The following ENAM variants were observed in gnomAD, a reference collection of about 807,000 sequenced individuals.
ENAM encodes enamelin.
ENAM carries 21 observed loss-of-function variants against 33.6 expected under a neutral mutation model. The ratio of observed to expected loss-of-function variants is 0.63; its 90% CI spans 0.44 to 0.90. The LOEUF (loss-of-function observed/expected upper bound fraction) is 0.90, where lower values mean the gene tolerates loss of function less well. Ranked by LOEUF, ENAM falls within the 40% of genes least tolerant of loss-of-function variation. The pLI, the probability that ENAM is intolerant of heterozygous loss-of-function variation, is 0.00. For synonymous variants in ENAM, 473 were observed against 468.4 expected (o/e 1.01, Z -0.13); for missense variants, 1,388 against 1,366.9 (o/e 1.02, Z -0.24).
At chr4:70,641,393 A>ATTTTTT (rs1301672853) in intron 8 of ENAM, among the ~76,000 whole-genome samples, 1 of 141,808 alleles carries the variant, frequency 7.1e-6, no homozygotes. Context: ...TTATTTATTT[A>ATTTTTT]TTTATTTTTT....
At position 70,645,212 on chromosome 4, in the gene ENAM, GGC is replaced by G; in HGVS notation, c.*358_*359del. 17 of 442,594 alleles carry G rather than the reference GGC, an allele frequency of 3.8e-5. No individual in the cohort carries two copies. The highest frequency in any genetic ancestry group is 1.5e-4 in the East Asian group (4 of 26,724). 27.4% of individuals were successfully genotyped at this position (442,594 alleles called of 1,614,324 possible). A position where few individuals can be genotyped will look rare whatever the true frequency, so the allele number is the denominator to read the frequency against. On this transcript the variant is annotated 3_prime_UTR_variant, in exon 9 of 9. Transcript: ENST00000396073. ...CAAAATTGGTTTTTCAAGACTGAAA[GGC>G]AGATTAACTTTCCATTCTACTTATG...
intron 8 of ENAM, among the ~76,000 whole-genome samples, chr4:70,638,752 C>A (rs1444422595): frequency 6.6e-6 from 1 of 151,362 alleles, no homozygotes; most frequent in African/African-American, 2.4e-5. Context: ...TCAGTCCCTG[C>A]AATGACTGCC....
intron 7 of ENAM, 104 bp downstream of exon 7, chr4:70,635,998 A>G: frequency 4.9e-6 from 3 of 617,716 alleles, no homozygotes; most frequent in Non-Finnish European, 8.5e-6. Flanking sequence ...ACCATATACC[A>G]ATCAGTAGAT....
Position 70,643,587 on chromosome 4 carries a change from C to G in ENAM, c.2161C>G (p.Pro721Ala), listed in dbSNP as rs778765140. 5.6e-6 allele frequency: 9 copies of G among 1,613,880 alleles called. No homozygotes were observed. Among genetic ancestry groups the G allele is most frequent in the Non-Finnish European group, 7.6e-6 (9 of 1,179,984 alleles). The stretch of plus-strand genomic sequence containing the variant: ...GGATTTTTATTACAGTGAATTTTAC[C>G]CATGGAGCCCGGATGAGAATTTTCC... ...REDFYYSEFY[P>A]WSPDENFPSY... is the part of the protein sequence containing the mutation. The change falls in exon 9 of 9, where the codon CCA (proline) becomes GCA (alanine). Residue 721 changes from proline to alanine, a missense_variant. Coordinates refer to ENST00000396073, the MANE Select transcript of ENAM (RefSeq NM_031889.3).
At chr4:70,637,874 A>T (rs1738498280) in intron 8 of ENAM, 31 bp downstream of exon 8, 1 of 1,525,756 alleles carries the variant, frequency 6.6e-7, no homozygotes, top group African/African-American at 1.4e-5. Context: ...ATTCTCCACT[A>T]GAAATTACAA....
Position 70,642,038 on chromosome 4 carries a change from A to T in ENAM, c.612A>T (p.Gly204=). 1 of 1,613,548 alleles carries T rather than the reference A, an allele frequency of 6.2e-7. No individual in the cohort carries two copies. The highest frequency in any genetic ancestry group is 8.5e-7 in the Non-Finnish European group (1 of 1,179,470). ...AGAATCCTTACTTTGGATATTTTGG[A>T]TATCATGGCTTTGGGGGTCGCCCTC... ...EGGNPYFGYF[G]YHGFGGRPPY... The change falls in exon 9 of 9, where the codon GGA becomes GGT. Residue 204 remains glycine (G), a synonymous_variant. Coordinates refer to ENST00000396073, the MANE Select transcript of ENAM (RefSeq NM_031889.3).
In ENAM at chr4:70,631,656, A is replaced by T; in HGVS notation, c.55-14A>T. ...TTTCACAGACCAAAAATAAAAATCA[A>T]TTTTTTATTCTAGGTACCAAAAGGC... On this transcript the variant is annotated splice_polypyrimidine_tract_variant and intron_variant, in intron 2 of 8. Transcript: ENST00000396073. 2 of 1,592,910 alleles carry T rather than the reference A, an allele frequency of 1.3e-6. No individual in the cohort carries two copies. The highest frequency in any genetic ancestry group is 1.7e-5 in the Admixed American group (1 of 59,982).
chr4:70,643,330 G>A lies in ENAM; in HGVS notation c.1904G>A (p.Ser635Asn), dbSNP rs1418699063. 6.2e-7 allele frequency: 1 copy of A among 1,613,838 alleles called. No individual in the cohort carries two copies. ...CCCAATACTATGGGGCAAAAAGAAA[G>A]TCCACTCTACCCCATAAATACCCCA... Reference protein sequence around the residue: ...DSPNTMGQKESPLYPINTPDQ... With the variant: ...DSPNTMGQKENPLYPINTPDQ... Residue 635 changes from serine (S) to asparagine (N), a missense_variant, in exon 9 of 9, where the codon AGT becomes AAT. Ser to Asn is a conservative substitution (Grantham distance 46). Transcript: ENST00000396073.
chr4:70,632,680 G>A lies in ENAM; in HGVS notation c.198G>A (p.Met66Ile), dbSNP rs779781970. Residue 66 changes from methionine to isoleucine, a missense_variant, in exon 5 of 9, where the codon ATG (methionine) becomes ATA (isoleucine). By Grantham distance (10) the Met-to-Ile change is conservative. Coordinates refer to ENST00000396073, the MANE Select transcript of ENAM (RefSeq NM_031889.3). ...TGCGGTATAATCAATTCAACTTTAT[G>A]AACGGCCCACATGTAAGTTTTTCTT... is the stretch of plus-strand genomic sequence containing the variant. ...EMMRYNQFNFMNGPHMAHLGP... is the reference protein window; with the variant it reads ...EMMRYNQFNFINGPHMAHLGP... 44 of 1,602,112 alleles carry A rather than the reference G, an allele frequency of 2.7e-5. 1 individual carries two copies. In the South Asian group the frequency reaches 4.8e-4, roughly 18 times the overall value.
chr4:70,642,135 A>T lies in ENAM; in HGVS notation c.709A>T (p.Ser237Cys), dbSNP rs746728444. The T allele has an allele frequency of 1.9e-6, 3 of 1,614,206 alleles. No homozygotes were observed. The highest frequency in any genetic ancestry group is 2.5e-6 in the Non-Finnish European group (3 of 1,180,020). ...AGAAGAAGATCCTCCTAAAGCAGAA[A>T]GTCCAGGCACAGAACCCACAGCTAA... ...PKEEDPPKAE[S>C]PGTEPTANST... Residue 237 changes from serine (S) to cysteine (C), a missense_variant, in exon 9 of 9, where the codon AGT becomes TGT. Transcript: ENST00000396073.
Position 70,643,367 on chromosome 4 carries a change from G to A in ENAM, c.1941G>A (p.Glu647=), listed in dbSNP as rs777059242. ...CCATAAATACCCCAGACCAGAAGGA[G>A]ATAGTCCCTTATAATGAAGAGGACC... ...LYPINTPDQK[E]IVPYNEEDPV... The change falls in exon 9 of 9, where the codon GAG becomes GAA. Residue 647 remains glutamate (E), a synonymous_variant. Transcript: ENST00000396073. The A allele has an allele frequency of 1.1e-5, 17 of 1,613,948 alleles. No individual in the cohort carries two copies. In the South Asian group the frequency reaches 1.8e-4, roughly 17 times the overall value.
chr4:70,633,486 G>A lies in ENAM; in HGVS notation c.210+794G>A, dbSNP rs561332465. Among the ~76,000 whole-genome samples the A allele has an allele frequency of 6.8e-4, 103 of 152,040 alleles. 1 individual carries two copies. Among genetic ancestry groups the A allele is most frequent in the Non-Finnish European group, 1.6e-4 (11 of 68,012 alleles). ...AGTTGTCATGAAATCCTGTGTCTTA[G>A]TGCAATATTTGCAATTTTGAATTTC... On this transcript the variant is annotated intron_variant, in intron 5 of 8. Coordinates refer to ENST00000396073, the MANE Select transcript of ENAM (RefSeq NM_031889.3).
chr4:70,644,459 T>G lies in ENAM; in HGVS notation c.3033T>G (p.Thr1011=). The part of the protein sequence containing the change: ...VFEDNQLNER[T]VDLTPEQLVI... ...AAGACAACCAGCTCAATGAAAGAAC[T>G]GTTGACCTTACTCCTGAGCAGCTTG... Residue 1011 remains threonine (T), a synonymous_variant, in exon 9 of 9, where the codon ACT becomes ACG. Coordinates refer to ENST00000396073, the MANE Select transcript of ENAM (RefSeq NM_031889.3). 6.2e-7 allele frequency: 1 copy of G among 1,614,112 alleles called. No homozygotes were observed. The highest frequency in any genetic ancestry group is 8.5e-7 in the Non-Finnish European group (1 of 1,180,002).
At chr4:70,632,479 T>C (rs1008901606) in intron 4 of ENAM, among the ~76,000 whole-genome samples, 172 bp from the exon 5 acceptor site, 1 of 152,064 alleles carries the variant, frequency 6.6e-6, no homozygotes, top group Non-Finnish European at 1.5e-5. Flanking sequence ...TTTCTTAAAA[T>C]TCAAGCATAA....
rs137961411 is a variant in ENAM at position 70,635,592 on chromosome 4, T to A, written c.472-240T>A. Among the ~76,000 whole-genome samples, 500 of 152,276 alleles carry A rather than the reference T, an allele frequency of 3.3e-3. 2 individuals are homozygous for A. Among genetic ancestry groups the A allele is most frequent in the African/African-American group, 0.011 (464 of 41,552 alleles). ...GGGAATAGTAATAGTTTATATCTTC[T>A]ATGGTTATATGAGGATGAAATGAGT... On this transcript the variant is annotated intron_variant, in intron 6 of 8. Transcript: ENST00000396073.
chr4:70,631,438 C>G (rs1479637254), intron 2 of ENAM, among the ~76,000 whole-genome samples: 1 of 152,056 alleles, frequency 6.6e-6, no homozygotes, highest in Non-Finnish European at 1.5e-5. Context: ...GTCTCTCTCT[C>G]TCACGCACAC....
chr4:70,641,689 G>T (rs1447863748), intron 8 of ENAM, among the ~76,000 whole-genome samples: 1 of 151,920 alleles, frequency 6.6e-6, no homozygotes, highest in Non-Finnish European at 1.5e-5. Context: ...CTTAAAAGAG[G>T]TATGTAAAAA....
chr4:70,634,607 C>A, intron 6 of ENAM, 39 bp downstream of exon 6: 1 of 1,606,830 alleles, frequency 6.2e-7, no homozygotes, highest in Non-Finnish European at 8.5e-7. Flanking sequence ...CTGTAAATGG[C>A]CTCGGAGAGA....
Position 70,643,507 on chromosome 4 carries a change from A to G in ENAM, c.2081A>G (p.Asn694Ser), listed in dbSNP as rs1386608143. Residue 694 changes from asparagine to serine, a missense_variant, in exon 9 of 9, where the codon AAT (asparagine) becomes AGT (serine). Physicochemically the swap from Asn to Ser is conservative, Grantham distance 46. Coordinates refer to ENST00000396073, the MANE Select transcript of ENAM (RefSeq NM_031889.3). ...RHYEGEQYTS[N>S]QPKEYLPYSL... is the part of the protein sequence containing the mutation. ...TATGAAGGTGAACAATATACCTCAAATCAGCCAAAGGAATATCTTCCCTAT... is the reference window on the plus strand; with the variant it reads ...TATGAAGGTGAACAATATACCTCAAGTCAGCCAAAGGAATATCTTCCCTAT... 2 of 1,614,132 alleles carry G rather than the reference A, an allele frequency of 1.2e-6. No individual in the cohort carries two copies. Among genetic ancestry groups the G allele is most frequent in the African/African-American group, 1.3e-5 (1 of 75,042 alleles).
Sources: allele counts gnomAD v4.1 joint callset (sites outside exome capture counted in the v4.1 genomes callset), GRCh38; gene constraint gnomAD v4.1.1; transcripts MANE v1.5; gene names NCBI Gene and HGNC (gene_info 2026-07-23, HGNC 2026-07-21).